MAP3K13: variants seen among roughly 807,000 people sequenced by gnomAD.
MAP3K13 encodes the protein leucine zipper-bearing kinase.
MAP3K13 carries 52 observed loss-of-function variants against 104.0 expected under a neutral mutation model. The observed-to-expected ratio is 0.50, with a 90% CI of 0.40 to 0.63. The LOEUF (loss-of-function observed/expected upper bound fraction) is 0.63. Among genes scored for constraint, MAP3K13 ranks in the 20% least tolerant of loss-of-function variants. The probability of loss-of-function intolerance (pLI) is 0.00; values close to 1 mark genes in which losing one functional copy is unlikely to be tolerated. For missense variants in MAP3K13, 914 were observed against 1,218.5 expected, an observed-to-expected ratio of 0.75 and a Z score of 3.72; for synonymous variants, 394 against 442.2, an observed-to-expected ratio of 0.89 and a Z score of 1.37.
At position 185,482,223 on chromosome 3, in the gene MAP3K13, AAGGAC is replaced by A. The variant is rs1718504999; in HGVS notation, c.2800-126_2800-122del. The A allele has an allele frequency of 3.0e-6, 2 of 663,370 alleles. No individual in the cohort carries two copies. Among genetic ancestry groups the A allele is most frequent in the Non-Finnish European group, 5.4e-6 (2 of 368,872 alleles). 41.1% of individuals were successfully genotyped at this position (663,370 alleles called of 1,614,324 possible). A position where few individuals can be genotyped will look rare whatever the true frequency, so the allele number is the denominator to read the frequency against. On this transcript the variant is annotated intron_variant, in intron 13 of 13. Transcript: ENST00000265026. The surrounding 1 kb of genome is among the most constrained non-coding windows in gnomAD (Gnocchi z 4.5). ...TGTTTTCTTTCTCCATAAGTCCCAC[AAGGAC>A]AGGACCTGGTCTCGTTTACCTTTGT...
At position 185,395,758 on chromosome 3, in the gene MAP3K13, T is replaced by G. The variant is rs1358934381; in HGVS notation, c.-86+32390T>G. ...GGAGTGCAGTGGTGCAGTCTCGGCT[T>G]TCTGCAACTTCTGCCTCCCAGGTTC... is the stretch of plus-strand genomic sequence containing the variant. On this transcript the variant is annotated intron_variant, in intron 1 of 13. Coordinates refer to ENST00000265026, the MANE Select transcript of MAP3K13 (RefSeq NM_004721.5). 2.6e-5 allele frequency among the ~76,000 whole-genome samples: 4 copies of G among 150,972 alleles called. No individual in the cohort carries two copies. The East Asian group carries it at 8.0e-4, about 30-fold the overall frequency.
Position 185,418,134 on chromosome 3 carries a change from A to G in MAP3K13, c.-85-10363A>G. The G allele has an allele frequency of 2.5e-6, 4 of 1,606,460 alleles. No individual in the cohort carries two copies. The highest frequency in any genetic ancestry group is 3.4e-6 in the Non-Finnish European group (4 of 1,174,748). Reference sequence around the variant, plus strand: ...TGTTTCTGAAGGCCTTGATGATACCATTATCCTCATTATAGATGATGCACA... The same window carrying G: ...TGTTTCTGAAGGCCTTGATGATACCGTTATCCTCATTATAGATGATGCACA... On this transcript the variant is annotated intron_variant, in intron 1 of 13. Transcript: ENST00000265026. This position sits in a 1 kb window ranked among gnomAD's most constrained non-coding sequence, Gnocchi z 4.5.
At chr3:185,334,936 A>T (rs1166219502) in intron 2 of MAP3K13, among the ~76,000 whole-genome samples, 1 of 151,998 alleles carries the variant, frequency 6.6e-6, no homozygotes, top group African/African-American at 2.4e-5. Flanking sequence ...ATAGGGGGAA[A>T]AAATTTCATG....
At chr3:185,324,664 C>T (rs1721986026) in intron 2 of MAP3K13, among the ~76,000 whole-genome samples, 1 of 152,166 alleles carries the variant, frequency 6.6e-6, no homozygotes, top group Admixed American at 6.5e-5. Flanking sequence ...CCACTTATAT[C>T]TCCTATTTTG....
At chr3:185,357,463 A>G (rs1032083564) in intron 2 of MAP3K13, among the ~76,000 whole-genome samples, 47 of 151,182 alleles carry the variant, frequency 3.1e-4, no homozygotes, top group Non-Finnish European at 4.6e-4. Context: ...AAAAAAAAAA[A>G]AAAAGAAAAA....
In MAP3K13 at chr3:185,428,569, T is replaced by C. The variant is rs1207238476; in HGVS notation, c.-13T>C. Reference sequence around the variant, plus strand: ...GAGTGTCATCTCAGGACTTTGGTTATACTCATGGCACGATGGCCAACTTTC... The same window carrying C: ...GAGTGTCATCTCAGGACTTTGGTTACACTCATGGCACGATGGCCAACTTTC... On this transcript the variant is annotated 5_prime_UTR_variant, in exon 2 of 14. Transcript: ENST00000265026. 3 of 1,563,636 alleles carry C rather than the reference T, an allele frequency of 1.9e-6. No individual in the cohort carries two copies. The highest frequency in any genetic ancestry group is 2.6e-6 in the Non-Finnish European group (3 of 1,153,738).
Position 185,418,537 on chromosome 3 carries a change from C to T in MAP3K13, c.-85-9960C>T, listed in dbSNP as rs1713933471. On this transcript the variant is annotated intron_variant, in intron 1 of 13. Coordinates refer to ENST00000265026, the MANE Select transcript of MAP3K13 (RefSeq NM_004721.5). The surrounding 1 kb of genome is among the most constrained non-coding windows in gnomAD (Gnocchi z 4.5). ...CTGGCCAGAGCGGTGAGTCCCACCA[C>T]CTCGAACTCTGGGAATTCGAGCCAT... 7 of 1,612,200 alleles carry T rather than the reference C, an allele frequency of 4.3e-6. No homozygotes were observed. In the Admixed American group the frequency reaches 1.0e-4, roughly 23 times the overall value.
chr3:185,388,509 G>C (rs570911158), intron 1 of MAP3K13, among the ~76,000 whole-genome samples: 1 of 151,770 alleles, frequency 6.6e-6, no homozygotes, highest in South Asian at 2.1e-4. Context: ...CTCAAAAAAA[G>C]AAAAAAGAAG....
chr3:185,375,307 G>A (rs1577479461), intron 1 of MAP3K13, among the ~76,000 whole-genome samples: 1 of 152,184 alleles, frequency 6.6e-6, no homozygotes, highest in East Asian at 1.9e-4. Flanking sequence ...GCCAGTCCTG[G>A]GTGGGCAAAT....
chr3:185,350,251 T>A (rs1451917192), intron 2 of MAP3K13, among the ~76,000 whole-genome samples: 1 of 152,218 alleles, frequency 6.6e-6, no homozygotes, highest in Non-Finnish European at 1.5e-5. Flanking sequence ...AGTGGCGCGA[T>A]CTCGGCTCAC....
intron 2 of MAP3K13, chr3:185,293,142 G>A: frequency 8.2e-6 from 6 of 730,278 alleles, no homozygotes; most frequent in Non-Finnish European, 1.0e-5. Context: ...TTTTGAGACA[G>A]AGTCTGGCTC....
intron 7 of MAP3K13, among the ~76,000 whole-genome samples, chr3:185,455,167 A>G (rs535991778): frequency 1.2e-3 from 56 of 46,812 alleles, no homozygotes; most frequent in African/African-American, 2.3e-3. Flanking sequence ...TATGATATAT[A>G]TGAGATATAT....
chr3:185,440,296 C>T (rs1577560913), intron 3 of MAP3K13, among the ~76,000 whole-genome samples: 1 of 152,102 alleles, frequency 6.6e-6, no homozygotes, highest in East Asian at 1.9e-4. Flanking sequence ...GATTGCTCCT[C>T]GTTCGTCAGT....
intron 2 of MAP3K13, among the ~76,000 whole-genome samples, chr3:185,344,120 G>T (rs184136109): frequency 2.6e-5 from 4 of 152,280 alleles, no homozygotes; most frequent in Admixed American, 6.5e-5. Context: ...ACCCAATTTT[G>T]CATATGTTGA....
intron 2 of MAP3K13, among the ~76,000 whole-genome samples, chr3:185,353,477 G>A (rs1160826116): frequency 6.6e-6 from 1 of 152,242 alleles, no homozygotes; most frequent in African/African-American, 2.4e-5. Flanking sequence ...ATTGGCATAG[G>A]TGTGGGCTAC....
intron 2 of MAP3K13, among the ~76,000 whole-genome samples, chr3:185,343,471 T>G (rs1302317560): frequency 1.3e-5 from 2 of 152,190 alleles, no homozygotes; most frequent in Non-Finnish European, 2.9e-5. Flanking sequence ...TTTATTTATT[T>G]GAGACGGCAT....
chr3:185,451,186 A>G (rs1650584518), intron 6 of MAP3K13, 101 bp from the exon 7 acceptor site: 2 of 740,916 alleles, frequency 2.7e-6, no homozygotes, highest in African/African-American at 1.7e-5. Flanking sequence ...ACTCAGATAT[A>G]GCCATTTTGA....
intron 2 of MAP3K13, among the ~76,000 whole-genome samples, chr3:185,325,324 G>A (rs1047847459): frequency 8.5e-5 from 13 of 152,170 alleles, no homozygotes; most frequent in African/African-American, 2.9e-4. Flanking sequence ...ATTGGATTTA[G>A]AGCCCACTTA....
At position 185,486,693 on chromosome 3, in the gene MAP3K13, C is replaced by T. The variant is rs972485146; in HGVS notation, c.*4237C>T. The T allele has an allele frequency of 2.6e-5, 4 of 152,214 alleles. No individual in the cohort carries two copies. The highest frequency in any genetic ancestry group is 5.9e-5 in the Non-Finnish European group (4 of 68,048). 9.4% of individuals were successfully genotyped at this position (152,214 alleles called of 1,614,324 possible). A position where few individuals can be genotyped will look rare whatever the true frequency, so the allele number is the denominator to read the frequency against. ...GGGATGAATGTCCATGTTCCGTTAG[C>T]GTCTGTTTTTAACTGACTGCAAGAT... is the stretch of plus-strand genomic sequence containing the variant. On this transcript the variant is annotated 3_prime_UTR_variant, in exon 14 of 14. Transcript: ENST00000265026.
Sources: allele counts gnomAD v4.1 joint callset (sites outside exome capture counted in the v4.1 genomes callset), GRCh38; gene constraint gnomAD v4.1.1; non-coding constraint Gnocchi (gnomAD v3.1); transcripts MANE v1.5; gene names NCBI Gene and HGNC (gene_info 2026-07-23, HGNC 2026-07-21).